The following BCKDHB variants were observed in gnomAD, a reference collection of about 807,000 sequenced individuals.
The protein encoded by BCKDHB is branched chain keto acid dehydrogenase E1 subunit beta, also known as 2-oxoisovalerate dehydrogenase subunit beta, mitochondrial.
In BCKDHB, 41 loss-of-function variants were observed where a neutral mutation model predicts 48.5. The ratio of observed to expected loss-of-function variants is 0.85; its 90% confidence interval spans 0.66 to 1.10. The LOEUF is 1.10. BCKDHB is among the 50% of genes least tolerant of loss of function. BCKDHB has a pLI of 0.00. For synonymous variants in BCKDHB, 201 were observed against 174.8 expected (o/e 1.15, Z -1.18); for missense variants, 496 against 494.2 (o/e 1.00, Z -0.03).
rs550571016 is a variant in BCKDHB, at chr6:80,138,653, T to A, written c.343+9424T>A. Among the ~76,000 whole-genome samples the A allele has an allele frequency of 6.1e-3, 934 of 152,016 alleles. 10 individuals carry two copies. The highest frequency in any genetic ancestry group is 0.022 in the African/African-American group (891 of 41,284). Reference sequence around the variant, plus strand: ...ATTTTTTATGGCTGCATAGTATTCCTTGGTGTATATGTGCCCCATTTTCTT... The same window carrying A: ...ATTTTTTATGGCTGCATAGTATTCCATGGTGTATATGTGCCCCATTTTCTT... On this transcript the variant is annotated intron_variant, in intron 3 of 9. Transcript: ENST00000320393.
intron 1 of BCKDHB, among the ~76,000 whole-genome samples, chr6:80,124,486 A>G (rs186589605): frequency 6.0e-4 from 92 of 152,266 alleles, no homozygotes; most frequent in African/African-American, 1.9e-3. Context: ...TAATATTGAC[A>G]TTGGAGTGTT....
intron 9 of BCKDHB, among the ~76,000 whole-genome samples, chr6:80,309,250 G>C (rs775812846): frequency 7.2e-5 from 11 of 151,956 alleles, no homozygotes; most frequent in Non-Finnish European, 1.0e-4. Context: ...TTTTAGTAGA[G>C]ACAGGGGTTT....
chr6:80,160,837 C>T (rs1462100896), intron 3 of BCKDHB, among the ~76,000 whole-genome samples: 1 of 152,098 alleles, frequency 6.6e-6, no homozygotes, highest in African/African-American at 2.4e-5. Context: ...TGGAGTTATA[C>T]AAAGCAGGAG....
chr6:80,107,518 T>TATATATATATGCAC (rs1554181353), intron 1 of BCKDHB, among the ~76,000 whole-genome samples: 84 of 121,670 alleles, frequency 6.9e-4, no homozygotes, highest in East Asian at 1.1e-3. Context: ...TGTGCGCATA[T>TATATATATATGCAC]ATATATATAT....
In BCKDHB at chr6:80,307,969, T is replaced by C. The variant is rs750623005; in HGVS notation, c.1038+34748T>C. On this transcript the variant is annotated intron_variant, in intron 9 of 9. Transcript: ENST00000320393. ...ATTTAATCTAGCAAAAAATTTTGAA[T>C]GCCAGATACTGCAAAGAATTCTACA... 210 of 934,224 alleles carry C rather than the reference T, an allele frequency of 2.2e-4. 1 individual carries two copies. Among genetic ancestry groups the C allele is most frequent in the Admixed American group, 3.7e-4 (6 of 16,180 alleles). 57.9% of individuals were successfully genotyped at this position (934,224 alleles called of 1,614,324 possible).
chr6:80,282,807 CT>C (rs1455484573), intron 9 of BCKDHB, among the ~76,000 whole-genome samples: 1 of 151,960 alleles, frequency 6.6e-6, no homozygotes, highest in African/African-American at 2.4e-5. Flanking sequence ...ATACATGTCA[CT>C]TTTTTAATAA....
chr6:80,347,012 AAAG>A (rs1186274908), downstream of BCKDHB, among the ~76,000 whole-genome samples: 2 of 151,952 alleles, frequency 1.3e-5, no homozygotes, highest in African/African-American at 4.8e-5. Flanking sequence ...AGAAAAAAAA[AAAG>A]AACACTTTTC....
At chr6:80,161,628 T>A (rs571379744) in intron 3 of BCKDHB, among the ~76,000 whole-genome samples, 4 of 152,180 alleles carry the variant, frequency 2.6e-5, no homozygotes, top group Non-Finnish European at 5.9e-5. Flanking sequence ...TCACTGTCAC[T>A]CTCTCCAGCA....
chr6:80,369,633 C>T, the BCKDHB span, among the ~76,000 whole-genome samples: 2 of 152,180 alleles, frequency 1.3e-5, no homozygotes, highest in African/African-American at 2.4e-5. Context: ...TTCATCTAGT[C>T]ACTAACTGCC....
At chr6:80,185,571 A>G (rs1196754123) in intron 6 of BCKDHB, among the ~76,000 whole-genome samples, 1 of 151,938 alleles carries the variant, frequency 6.6e-6, no homozygotes, top group African/African-American at 2.4e-5. Flanking sequence ...AAGAACTGGA[A>G]CTCAAGGGCT....
At chr6:80,358,202 T>G in the BCKDHB span, among the ~76,000 whole-genome samples, 123 of 152,302 alleles carry the variant, frequency 8.1e-4, 1 homozygote, top group East Asian at 0.018. Context: ...GGCCAACTAT[T>G]TCTTTTTAAC....
chr6:80,455,673 C>T, the BCKDHB span, among the ~76,000 whole-genome samples: 1 of 151,764 alleles, frequency 6.6e-6, no homozygotes, highest in African/African-American at 2.4e-5. Context: ...CCTACAGGAC[C>T]GGATCCCTTC....
At chr6:80,200,092 A>C (rs1338577618) in intron 6 of BCKDHB, among the ~76,000 whole-genome samples, 1 of 149,866 alleles carries the variant, frequency 6.7e-6, no homozygotes, top group Non-Finnish European at 1.5e-5. Context: ...AAAAAAAAGA[A>C]CTAAAGAAGG....
chr6:80,336,344 G>T (rs190354584), intron 9 of BCKDHB, among the ~76,000 whole-genome samples: 1 of 151,712 alleles, frequency 6.6e-6, no homozygotes, highest in Non-Finnish European at 1.5e-5. Flanking sequence ...ATTGTATCCA[G>T]GGAAACCCAT....
chr6:80,252,885 A>G (rs537262934), intron 8 of BCKDHB, among the ~76,000 whole-genome samples: 62 of 152,246 alleles, frequency 4.1e-4, no homozygotes, highest in African/African-American at 1.4e-3. Flanking sequence ...AGTTCTGTAT[A>G]GTCTAGATTT....
At chr6:80,203,075 C>T in intron 7 of BCKDHB, 27 bp from the exon 8 acceptor site, 2 of 1,488,366 alleles carry the variant, frequency 1.3e-6, no homozygotes, top group East Asian at 2.3e-5. Flanking sequence ...TGTAGTCATT[C>T]TCTGCATATT....
intron 9 of BCKDHB, among the ~76,000 whole-genome samples, chr6:80,339,540 A>G (rs188663614): frequency 4.6e-5 from 7 of 152,314 alleles, no homozygotes; most frequent in East Asian, 1.9e-4. Context: ...TTTTCTGGCT[A>G]TAATGTGCAT....
At chr6:80,410,589 T>C in the BCKDHB span, among the ~76,000 whole-genome samples, 1 of 152,218 alleles carries the variant, frequency 6.6e-6, no homozygotes, top group African/African-American at 2.4e-5. Context: ...ACCAATCAAA[T>C]GTAGATTTGG....
intron 6 of BCKDHB, among the ~76,000 whole-genome samples, chr6:80,191,923 C>G (rs934842469): frequency 1.3e-5 from 2 of 152,150 alleles, no homozygotes; most frequent in African/African-American, 2.4e-5. Context: ...TAAAAAAGTG[C>G]TGCATCACTG....
Sources: allele counts gnomAD v4.1 joint callset (sites outside exome capture counted in the v4.1 genomes callset), GRCh38; gene constraint gnomAD v4.1.1; transcripts MANE v1.5; gene names NCBI Gene and HGNC (gene_info 2026-07-23, HGNC 2026-07-21).